PTPN4: variants seen among roughly 807,000 people sequenced by gnomAD.
The protein encoded by PTPN4 is tyrosine-protein phosphatase non-receptor type 4.
A neutral mutation model predicts 135.5 loss-of-function variants in PTPN4; 49 were observed. The observed-to-expected ratio is 0.36, with a 90% confidence interval of 0.29 to 0.46. The LOEUF is 0.46. Ranked by LOEUF, PTPN4 falls within the 20% of genes least tolerant of loss-of-function variation. The pLI is 1.00. For missense variants in PTPN4, 860 were observed against 1,101.0 expected (o/e 0.78, Z 3.10); for synonymous variants, 333 against 369.9 (o/e 0.90, Z 1.14).
At chr2:119,827,544 T>C (rs1395304881) in intron 2 of PTPN4, among the ~76,000 whole-genome samples, 1 of 152,186 alleles carries the variant, frequency 6.6e-6, no homozygotes, top group Non-Finnish European at 1.5e-5. Flanking sequence ...AATAACTTTT[T>C]ATTACAAGTA....
chr2:119,973,668 T>TTTTTTTTTG, intron 26 of PTPN4, among the ~76,000 whole-genome samples: 1 of 138,660 alleles, frequency 7.2e-6, no homozygotes, highest in African/African-American at 2.8e-5. Context: ...TTTTTTTTTT[T>TTTTTTTTTG]TTTTTTTTTT....
At chr2:119,890,956 T>G (rs1363499249) in intron 9 of PTPN4, among the ~76,000 whole-genome samples, 4 of 152,232 alleles carry the variant, frequency 2.6e-5, no homozygotes, top group African/African-American at 9.6e-5. Context: ...AGAAATTCAC[T>G]GTTAGACTGG....
At chr2:119,878,305 G>C (rs964340459) in intron 5 of PTPN4, among the ~76,000 whole-genome samples, 1 of 152,160 alleles carries the variant, frequency 6.6e-6, no homozygotes, top group African/African-American at 2.4e-5. Context: ...AACCTTGTGT[G>C]TTGCCTGAAA....
intron 10 of PTPN4, among the ~76,000 whole-genome samples, chr2:119,903,401 A>G (rs905062650): frequency 5.9e-5 from 9 of 151,960 alleles, no homozygotes; most frequent in Non-Finnish European, 1.3e-4. Context: ...TGGCACCTGT[A>G]TATGTTATTC....
chr2:119,889,934 A>G (rs1678216620), intron 9 of PTPN4, among the ~76,000 whole-genome samples: 1 of 152,204 alleles, frequency 6.6e-6, no homozygotes, highest in Non-Finnish European at 1.5e-5. Flanking sequence ...TTGTGGCCAA[A>G]CATATGGCCT....
At chr2:119,764,970 AGACTTTGGAGTC>A in intron 1 of PTPN4, among the ~76,000 whole-genome samples, 1 of 152,192 alleles carries the variant, frequency 6.6e-6, no homozygotes, top group East Asian at 1.9e-4. Flanking sequence ...GAAAGATCAC[AGACTTTGGAGTC>A]AAATCTGGTG....
rs189190939 is a variant in PTPN4, at chr2:119,810,568, A to T, written c.138+577A>T. On this transcript the variant is annotated intron_variant, in intron 2 of 26. Coordinates refer to ENST00000263708, the MANE Select transcript of PTPN4 (RefSeq NM_002830.4). ...CTATAGTTTACTTATCCTTTCATTTACCATTTACTTGTCCAGTTTATTGTT... is the reference window on the plus strand; with the variant it reads ...CTATAGTTTACTTATCCTTTCATTTTCCATTTACTTGTCCAGTTTATTGTT... Among the ~76,000 whole-genome samples the T allele has an allele frequency of 8.5e-5, 13 of 152,254 alleles. No homozygotes were observed. The East Asian group carries it at 2.5e-3, about 29-fold the overall frequency.
chr2:119,872,119 ATTGTTT>A (rs1387657952), intron 3 of PTPN4, among the ~76,000 whole-genome samples: 1 of 152,084 alleles, frequency 6.6e-6, no homozygotes, highest in East Asian at 1.9e-4. Context: ...TTATTTAGCC[ATTGTTT>A]TTGTTATTAA....
intron 2 of PTPN4, among the ~76,000 whole-genome samples, chr2:119,830,461 C>T (rs1172737917): frequency 6.6e-6 from 1 of 152,012 alleles, no homozygotes; most frequent in Non-Finnish European, 1.5e-5. Flanking sequence ...CCTGGTGTAA[C>T]ACCTCTGCCC....
At chr2:119,808,931 T>G (rs929343607) in intron 1 of PTPN4, among the ~76,000 whole-genome samples, 6 of 152,340 alleles carry the variant, frequency 3.9e-5, no homozygotes, top group African/African-American at 1.4e-4. Flanking sequence ...TTACTCATTG[T>G]TCATACTGCT....
chr2:119,882,228 G>T, intron 7 of PTPN4, 79 bp downstream of exon 7: 2 of 1,362,716 alleles, frequency 1.5e-6, no homozygotes, highest in Non-Finnish European at 2.1e-6. Context: ...CAATGTGGGA[G>T]TTCTTTAGAA....
chr2:119,882,513 A>G lies in PTPN4; in HGVS notation c.477A>G (p.Gly159=). 1.3e-6 allele frequency: 2 copies of G among 1,527,586 alleles called. No individual in the cohort carries two copies. The highest frequency in any genetic ancestry group is 2.2e-5 in the Admixed American group (1 of 45,206). 94.6% of individuals were successfully genotyped at this position (1,527,586 alleles called of 1,614,324 possible). A position where few individuals can be genotyped will look rare whatever the true frequency, so the allele number is the denominator to read the frequency against. ...LASFAVQSEL[G]DYDQSENLSG... ...TCCTTTCATTATTAGCTGAACTTGG[A>G]GACTACGATCAGTCAGAGAACTTGT... The change falls in exon 8 of 27, where the codon GGA becomes GGG. Residue 159 remains glycine (G), a synonymous_variant. Transcript: ENST00000263708.
At chr2:119,888,970 T>C (rs1678199074) in intron 9 of PTPN4, among the ~76,000 whole-genome samples, 1 of 152,174 alleles carries the variant, frequency 6.6e-6, no homozygotes, top group Non-Finnish European at 1.5e-5. Flanking sequence ...GGCGTTTCTG[T>C]GTTGGGAGAC....
chr2:119,773,240 C>T (rs1460559659), intron 1 of PTPN4, among the ~76,000 whole-genome samples: 1 of 151,984 alleles, frequency 6.6e-6, no homozygotes, highest in Non-Finnish European at 1.5e-5. Context: ...GTTTTTGTAT[C>T]TAGCATATTG....
At chr2:119,771,692 C>T (rs1282657625) in intron 1 of PTPN4, 1 of 152,134 alleles carries the variant, frequency 6.6e-6, no homozygotes, top group African/African-American at 2.4e-5. Context: ...AGCGAGTTTC[C>T]CTCTTCTCCC....
intron 20 of PTPN4, among the ~76,000 whole-genome samples, chr2:119,956,516 G>C (rs1321506657): frequency 6.6e-6 from 1 of 152,116 alleles, no homozygotes; most frequent in Non-Finnish European, 1.5e-5. Context: ...TTAGTTCATA[G>C]ACTGTAAACA....
Position 119,776,570 on chromosome 2 carries a change from T to C in PTPN4, c.-18+16186T>C, listed in dbSNP as rs1404263200. Among the ~76,000 whole-genome samples the C allele has an allele frequency of 3.4e-4, 52 of 152,196 alleles. 1 individual carries two copies. The highest frequency in any genetic ancestry group is 3.4e-3 in the Admixed American group (52 of 15,278). ...CGTGGAGTGTGCCTGCCTCTCCTGC[T>C]TCCCCTTCCACTTCCTCCACCTCTT... On this transcript the variant is annotated intron_variant, in intron 1 of 26. Coordinates refer to ENST00000263708, the MANE Select transcript of PTPN4 (RefSeq NM_002830.4).
rs1351388264 is a variant in PTPN4 at position 119,909,240 on chromosome 2, C to A, written c.765-5939C>A. 3.9e-5 allele frequency among the ~76,000 whole-genome samples: 6 copies of A among 152,246 alleles called. No individual in the cohort carries two copies. In the East Asian group the frequency reaches 1.2e-3, roughly 29 times the overall value. On this transcript the variant is annotated intron_variant, in intron 10 of 26. Coordinates refer to ENST00000263708, the MANE Select transcript of PTPN4 (RefSeq NM_002830.4). ...AGACTATCATAGATGAAGTTAATAC[C>A]TGGCTTCAATGTTTCAAAGGACTGA...
chr2:119,917,863 C>T, intron 11 of PTPN4, among the ~76,000 whole-genome samples: 1 of 152,166 alleles, frequency 6.6e-6, no homozygotes, highest in East Asian at 1.9e-4. Flanking sequence ...ACTTATCTCT[C>T]AGTACAAATT....
Sources: allele counts gnomAD v4.1 joint callset (sites outside exome capture counted in the v4.1 genomes callset), GRCh38; gene constraint gnomAD v4.1.1; transcripts MANE v1.5; gene names NCBI Gene and HGNC (gene_info 2026-07-23, HGNC 2026-07-21).